CPT1A: variants seen among roughly 807,000 people sequenced by gnomAD.
CPT1A encodes the protein carnitine palmitoyltransferase 1A, also known as carnitine O-palmitoyltransferase 1, liver isoform.
A neutral mutation model predicts 100.8 loss-of-function variants in CPT1A; 64 were observed. That is an observed-to-expected ratio of 0.63 (90% CI 0.52 to 0.78). The LOEUF (loss-of-function observed/expected upper bound fraction) is 0.78, where lower values mean the gene tolerates loss of function less well. CPT1A is among the 30% of genes least tolerant of loss of function. The probability of loss-of-function intolerance (pLI) is 0.00; values close to 1 mark genes in which losing one functional copy is unlikely to be tolerated. For synonymous variants in CPT1A, 363 were observed against 396.0 expected, an observed-to-expected ratio of 0.92 and a Z score of 0.99; for missense variants, 802 against 1,034.1, an observed-to-expected ratio of 0.78 and a Z score of 3.08.
chr11:68,788,630 T>TAAAAAA, intron 9 of CPT1A, among the ~76,000 whole-genome samples: 14 of 27,552 alleles, frequency 5.1e-4, no homozygotes, highest in African/African-American at 1.4e-3. Flanking sequence ...CAAACAAAAG[T>TAAAAAA]AAAAAAAAAA....
chr11:68,817,989 T>C (rs1856480932), intron 1 of CPT1A, among the ~76,000 whole-genome samples: 2 of 152,020 alleles, frequency 1.3e-5, no homozygotes, highest in Non-Finnish European at 2.9e-5. Context: ...GGTTTTGTGC[T>C]AGCAATGGAG....
chr11:68,757,464 T>A lies in CPT1A; in HGVS notation c.*180A>T. On this transcript the variant is annotated 3_prime_UTR_variant, in exon 19 of 19. Transcript: ENST00000265641. ...GAGGGCAAGTCTGGAAGTAGTGGGG[T>A]TATGCTTCACAGGGGAGAGATACTG... is the stretch of plus-strand genomic sequence containing the variant. 6.8e-7 allele frequency: 1 copy of A among 1,471,456 alleles called. No individual in the cohort carries two copies. Among genetic ancestry groups the A allele is most frequent in the Non-Finnish European group, 9.0e-7 (1 of 1,116,606 alleles). The allele number at this position is 1,471,456 out of a possible 1,614,324, so 91.1% of individuals were successfully genotyped here.
At chr11:68,768,110 C>G (rs1158017987) in intron 14 of CPT1A, among the ~76,000 whole-genome samples, 2 of 125,342 alleles carry the variant, frequency 1.6e-5, no homozygotes, top group African/African-American at 6.5e-5. Flanking sequence ...GAGTCTCGCA[C>G]TGTCACCCAG....
intron 7 of CPT1A, among the ~76,000 whole-genome samples, chr11:68,796,350 A>G (rs1855754859): frequency 6.6e-6 from 1 of 152,148 alleles, no homozygotes; most frequent in Non-Finnish European, 1.5e-5. Flanking sequence ...TGAGGTCAGG[A>G]GTTCGAGACC....
chr11:68,766,826 GA>G (rs11306055), intron 14 of CPT1A, among the ~76,000 whole-genome samples: 92,391 of 138,356 alleles, frequency 0.67, 31,051 homozygotes, highest in East Asian at 0.82. Context: ...TATCAAGGAG[GA>G]AAAAAAAAAA....
At chr11:68,837,565 T>C (rs1396757171) in intron 1 of CPT1A, among the ~76,000 whole-genome samples, 1 of 152,086 alleles carries the variant, frequency 6.6e-6, no homozygotes, top group Non-Finnish European at 1.5e-5. Flanking sequence ...GAAGGTGCAT[T>C]GAGGGGGGAC....
rs560808754 is a variant in CPT1A at position 68,830,759 on chromosome 11, T to C, written c.-14+11016A>G. The stretch of plus-strand genomic sequence containing the variant: ...CCATTTCTGTTTTCTCCTTTCTTCA[T>C]ACTTAGCTTAAAGCTCCCAGCACTT... On this transcript the variant is annotated intron_variant, in intron 1 of 18. Coordinates refer to ENST00000265641, the MANE Select transcript of CPT1A (RefSeq NM_001876.4). Among the ~76,000 whole-genome samples, 5 of 152,324 alleles carry C rather than the reference T, an allele frequency of 3.3e-5. No individual in the cohort carries two copies. The South Asian group carries it at 1.0e-3, about 32-fold the overall frequency.
In CPT1A at chr11:68,793,408, A is replaced by G; in HGVS notation, c.880-6T>C. On this transcript the variant is annotated splice_region_variant and splice_polypyrimidine_tract_variant and intron_variant, in intron 8 of 18. Transcript: ENST00000265641. ...GTGGATCCCAAAAGACGAATCTGTA[A>G]CAAAAATATATTTCAAACCAACAAC... The G allele has an allele frequency of 6.2e-7, 1 of 1,605,524 alleles. No individual in the cohort carries two copies. The highest frequency in any genetic ancestry group is 8.5e-7 in the Non-Finnish European group (1 of 1,175,008).
At chr11:68,800,571 T>A (rs1594350815) in intron 5 of CPT1A, among the ~76,000 whole-genome samples, 1 of 151,050 alleles carries the variant, frequency 6.6e-6, no homozygotes, top group South Asian at 2.1e-4. Flanking sequence ...AAGGTTGAGG[T>A]GTGAGGATCA....
intron 14 of CPT1A, 27 bp from the exon 15 acceptor site, chr11:68,762,788 A>G (rs752565501): frequency 1.4e-5 from 22 of 1,613,646 alleles, no homozygotes; most frequent in Middle Eastern, 1.6e-4. Flanking sequence ...ACTTCAGTGC[A>G]CGGCAGGGCA....
chr11:68,754,867 G>C (rs759553401), downstream of CPT1A: 5 of 780,638 alleles, frequency 6.4e-6, no homozygotes, highest in Non-Finnish European at 9.6e-6. Context: ...TATAACAAAA[G>C]AGACAGAAAC....
intron 14 of CPT1A, among the ~76,000 whole-genome samples, chr11:68,769,371 G>A (rs11228343): frequency 0.03 from 4,617 of 151,378 alleles, 220 homozygotes; most frequent in African/African-American, 0.1. Flanking sequence ...GGAGTACCTT[G>A]GACTACAGGC....
chr11:68,815,282 T>G (rs575229188), intron 2 of CPT1A, 52 bp downstream of exon 2: 13 of 1,587,070 alleles, frequency 8.2e-6, no homozygotes, highest in Middle Eastern at 2.0e-4. Context: ...CAGAGCCCCG[T>G]TCTTAGATAT....
intron 9 of CPT1A, among the ~76,000 whole-genome samples, chr11:68,787,748 C>T (rs1855504711): frequency 1.3e-5 from 2 of 152,060 alleles, no homozygotes; most frequent in African/African-American, 2.4e-5. Context: ...TCGAGGCCAG[C>T]CTGGCCTACA....
intron 1 of CPT1A, among the ~76,000 whole-genome samples, chr11:68,819,763 T>C (rs1374441687): frequency 6.6e-6 from 1 of 152,194 alleles, no homozygotes; most frequent in Non-Finnish European, 1.5e-5. Flanking sequence ...CCCTAAGAGT[T>C]CTAAATGCCC....
intron 1 of CPT1A, among the ~76,000 whole-genome samples, chr11:68,834,004 G>A (rs1051805814): frequency 6.6e-6 from 1 of 152,100 alleles, no homozygotes; most frequent in African/African-American, 2.4e-5. Context: ...CATTATGAAA[G>A]GTTGCGTCTT....
upstream of CPT1A, among the ~76,000 whole-genome samples, chr11:68,842,370 G>A (rs57334791): frequency 0.044 from 6,758 of 152,018 alleles, 496 homozygotes; most frequent in African/African-American, 0.15. Flanking sequence ...CCAGCTACTC[G>A]GGAGGCGGGA....
rs955765459 is a variant in CPT1A, at chr11:68,757,393, C to A, written c.*251G>T. 9 of 1,369,364 alleles carry A rather than the reference C, an allele frequency of 6.6e-6. No individual in the cohort carries two copies. In the South Asian group the frequency reaches 1.4e-4, roughly 21 times the overall value. The allele number at this position is 1,369,364 out of a possible 1,614,324, so 84.8% of individuals were successfully genotyped here. A position where few individuals can be genotyped will look rare whatever the true frequency, so the allele number is the denominator to read the frequency against. On this transcript the variant is annotated 3_prime_UTR_variant, in exon 19 of 19. Transcript: ENST00000265641. Reference sequence around the variant, plus strand: ...ATTTGCATCCCTTAATAAATCCAAGCCGATGCGGAGACATCAGGGGAGACT... The same window carrying A: ...ATTTGCATCCCTTAATAAATCCAAGACGATGCGGAGACATCAGGGGAGACT...
chr11:68,754,885 G>A lies in CPT1A; in HGVS notation c.*2759C>T. 1 of 779,902 alleles carries A rather than the reference G, an allele frequency of 1.3e-6. No homozygotes were observed. The highest frequency in any genetic ancestry group is 1.7e-5 in the African/African-American group (1 of 59,220). 48.3% of individuals were successfully genotyped at this position (779,902 alleles called of 1,614,324 possible). A position where few individuals can be genotyped will look rare whatever the true frequency, so the allele number is the denominator to read the frequency against. On this transcript the variant is annotated 3_prime_UTR_variant, in exon 19 of 19. Coordinates refer to ENST00000265641, the MANE Select transcript of CPT1A (RefSeq NM_001876.4). The stretch of plus-strand genomic sequence containing the variant: ...AACAAAAGAGACAGAAACAAATCTT[G>A]TAGTAGACTGGGGTTAATGTTTTAT...
Sources: gnomAD v4.1 joint callset for allele counts (sites outside exome capture counted in the v4.1 genomes callset) on GRCh38, gnomAD v4.1.1 for gene constraint, MANE v1.5 for transcripts, NCBI Gene and HGNC (gene_info 2026-07-23, HGNC 2026-07-21) for gene names.